ASB2: variants seen among roughly 807,000 people sequenced by gnomAD.
The protein encoded by ASB2 is ankyrin repeat and SOCS box containing 2.
In ASB2, 58 loss-of-function variants were observed where a neutral mutation model predicts 62.4. That is an observed-to-expected ratio of 0.93 (90% CI 0.75 to 1.16). The LOEUF (loss-of-function observed/expected upper bound fraction) is 1.16, where lower values mean the gene tolerates loss of function less well. Ranked by LOEUF, ASB2 falls within the 50% of genes most tolerant of loss-of-function variation. ASB2 has a pLI of 0.00. For missense variants in ASB2, 928 were observed against 887.9 expected, an observed-to-expected ratio of 1.05 and a Z score of -0.57; for synonymous variants, 386 against 385.3, an observed-to-expected ratio of 1.00 and a Z score of -0.02.
At chr14:93,958,508 C>T (rs955132556) in intron 2 of ASB2, among the ~76,000 whole-genome samples, 2 of 152,196 alleles carry the variant, frequency 1.3e-5, no homozygotes, top group African/African-American at 2.4e-5. Context: ...TGGACAAGCC[C>T]CATCCCCGCT....
intron 7 of ASB2, among the ~76,000 whole-genome samples, chr14:93,946,368 A>G (rs937658130): frequency 1.3e-5 from 2 of 152,184 alleles, no homozygotes; most frequent in African/African-American, 4.8e-5. Flanking sequence ...CTGGAGCTTC[A>G]CCTCTGCGGC....
chr14:93,971,615 G>A (rs1046859888), intron 1 of ASB2, among the ~76,000 whole-genome samples: 2 of 152,122 alleles, frequency 1.3e-5, no homozygotes, highest in African/African-American at 2.4e-5. Context: ...AGGTCACTAC[G>A]TCCCACTGCA....
intron 7 of ASB2, among the ~76,000 whole-genome samples, chr14:93,946,102 A>G (rs1477183818): frequency 6.6e-6 from 1 of 152,266 alleles, no homozygotes; most frequent in Non-Finnish European, 1.5e-5. Context: ...ATTTAAAATC[A>G]GGAAGAAAAT....
chr14:93,971,678 C>G (rs1889759486), intron 1 of ASB2, among the ~76,000 whole-genome samples: 1 of 152,158 alleles, frequency 6.6e-6, no homozygotes, highest in Non-Finnish European at 1.5e-5. Context: ...GTGAATTTCT[C>G]TCTCATATTT....
intron 4 of ASB2, among the ~76,000 whole-genome samples, chr14:93,953,748 G>A (rs1217238549): frequency 6.6e-6 from 1 of 152,056 alleles, no homozygotes; most frequent in Non-Finnish European, 1.5e-5. Flanking sequence ...CTCCCTCTTC[G>A]AATACTCCTG....
rs148324040 is a variant in ASB2 at position 93,970,065 on chromosome 14, C to T, written c.-73-5453G>A. Reference sequence around the variant, plus strand: ...TGGTCTTTTCCTCCTAGTACCTTCCCCTCTCTACCAACCCAGGTTTGCAGA... The same window carrying T: ...TGGTCTTTTCCTCCTAGTACCTTCCTCTCTCTACCAACCCAGGTTTGCAGA... On this transcript the variant is annotated intron_variant, in intron 1 of 9. Transcript: ENST00000555019. The T allele has an allele frequency of 9.8e-5, 15 of 152,354 alleles. No individual in the cohort carries two copies. The East Asian group carries it at 2.1e-3, about 22-fold the overall frequency. The allele number at this position is 152,354 out of a possible 1,614,324, so 9.4% of individuals were successfully genotyped here.
intron 3 of ASB2, 88 bp downstream of exon 3, chr14:93,956,678 G>A (rs1889221244): frequency 6.4e-7 from 1 of 1,555,116 alleles, no homozygotes; most frequent in Non-Finnish European, 8.9e-7. Context: ...GCCCTCCTGG[G>A]GGCTGTGGGC....
chr14:93,949,451 A>G (rs1364769912), intron 6 of ASB2, among the ~76,000 whole-genome samples: 1 of 152,242 alleles, frequency 6.6e-6, no homozygotes, highest in Non-Finnish European at 1.5e-5. Flanking sequence ...GGGAGTAAAC[A>G]AAATAGTGTA....
intron 7 of ASB2, among the ~76,000 whole-genome samples, chr14:93,946,096 A>G (rs966649161): frequency 6.6e-6 from 1 of 152,278 alleles, no homozygotes; most frequent in African/African-American, 2.4e-5. Context: ...ATAGATATTT[A>G]AAATCAGGAA....
intron 8 of ASB2, 57 bp downstream of exon 8, chr14:93,939,051 G>A: frequency 7.3e-7 from 1 of 1,368,182 alleles, no homozygotes; most frequent in African/African-American, 1.5e-5. Flanking sequence ...ATGCGCGCGC[G>A]CGTCCCTGGG....
chr14:93,967,966 C>T (rs908926698), intron 1 of ASB2, among the ~76,000 whole-genome samples: 1 of 152,176 alleles, frequency 6.6e-6, no homozygotes, highest in Non-Finnish European at 1.5e-5. Context: ...CTTCGCTATG[C>T]TGTAGAAGCA....
In ASB2 at chr14:93,934,404, A is replaced by G; in HGVS notation, c.*252T>C. 1 of 505,206 alleles carries G rather than the reference A, an allele frequency of 2.0e-6. No homozygotes were observed. The highest frequency in any genetic ancestry group is 2.0e-5 in the South Asian group (1 of 48,830). The allele number at this position is 505,206 out of a possible 1,614,324, so 31.3% of individuals were successfully genotyped here. ...GAATAGAGGTTTCTGCCATTCCTGA[A>G]GGTAGAGAAGGTCTGGGATCTGCTC... On this transcript the variant is annotated 3_prime_UTR_variant, in exon 10 of 10. Transcript: ENST00000555019.
intron 1 of ASB2, among the ~76,000 whole-genome samples, chr14:93,965,891 C>G (rs867912940): frequency 6.6e-6 from 1 of 152,246 alleles, no homozygotes; most frequent in Non-Finnish European, 1.5e-5. Flanking sequence ...AGAAGAGCTT[C>G]CCACTGGAGC....
chr14:93,953,248 G>A, intron 5 of ASB2, 104 bp downstream of exon 5: 2 of 1,011,722 alleles, frequency 2.0e-6, no homozygotes, highest in Non-Finnish European at 2.8e-6. Context: ...ATTTGAGCAG[G>A]GCCACGTTGG....
At chr14:93,942,854 GA>G (rs1888581388) in intron 7 of ASB2, among the ~76,000 whole-genome samples, 1 of 151,394 alleles carries the variant, frequency 6.6e-6, no homozygotes, top group African/African-American at 2.5e-5. Context: ...TAATAGTGAT[GA>G]TGATGATGAT....
At chr14:93,945,082 T>A (rs1192021623) in intron 7 of ASB2, among the ~76,000 whole-genome samples, 1 of 152,188 alleles carries the variant, frequency 6.6e-6, no homozygotes, top group Non-Finnish European at 1.5e-5. Flanking sequence ...TCAGGGAGCT[T>A]TTCAAAGAGA....
At chr14:93,939,706 A>G (rs924267639) in intron 7 of ASB2, 34 bp from the exon 8 acceptor site, 1 of 1,139,166 alleles carries the variant, frequency 8.8e-7, no homozygotes, top group Non-Finnish European at 1.2e-6. Context: ...GGGTGAGGGG[A>G]GGGTCGGGGT....
Position 93,960,582 on chromosome 14 carries a change from C to T in ASB2, c.207-3712G>A, listed in dbSNP as rs117606233. 5.9e-5 allele frequency among the ~76,000 whole-genome samples: 9 copies of T among 152,302 alleles called. No individual in the cohort carries two copies. The East Asian group carries it at 1.5e-3, about 26-fold the overall frequency. On this transcript the variant is annotated intron_variant, in intron 2 of 9. Transcript: ENST00000555019. ...CTGGTCCATTCATGGAAACCTTGGG[C>T]TCTGCACTTCATGGGTTCATGGACC...
chr14:93,943,861 A>C (rs1888623960), intron 7 of ASB2: 1 of 449,662 alleles, frequency 2.2e-6, no homozygotes, highest in Admixed American at 2.4e-5. Flanking sequence ...TTAATGTGTT[A>C]AGTGTTCTCT....
Sources: gnomAD v4.1 joint callset for allele counts (sites outside exome capture counted in the v4.1 genomes callset) on GRCh38, gnomAD v4.1.1 for gene constraint, MANE v1.5 for transcripts, NCBI Gene and HGNC (gene_info 2026-07-23, HGNC 2026-07-21) for gene names.